FRRS1: variants seen among roughly 807,000 people sequenced by gnomAD.
The protein encoded by FRRS1 is ferric reductase 1.
A neutral mutation model predicts 70.7 loss-of-function variants in FRRS1; 51 were observed. The observed-to-expected ratio is 0.72, with a 90% CI of 0.58 to 0.91. The LOEUF (loss-of-function observed/expected upper bound fraction) is 0.91, where lower values mean the gene tolerates loss of function less well. FRRS1 is among the 40% of genes least tolerant of loss of function. The pLI is 0.00. For synonymous variants in FRRS1, 225 were observed against 238.7 expected (o/e 0.94, Z 0.53); for missense variants, 672 against 726.0 (o/e 0.93, Z 0.86).
At chr1:99,765,481 A>G (rs1483898048) in intron 1 of FRRS1, 1 of 152,234 alleles carries the variant, frequency 6.6e-6, no homozygotes, top group Non-Finnish European at 1.5e-5. Flanking sequence ...CCTGCCTGTA[A>G]TCCCAGCTAC....
intron 7 of FRRS1, among the ~76,000 whole-genome samples, chr1:99,734,041 A>G (rs1429911683): frequency 1.3e-5 from 2 of 152,186 alleles, no homozygotes; most frequent in African/African-American, 4.8e-5. Context: ...GTCTTAACAT[A>G]AATCTATTAT....
chr1:99,736,084 A>T (rs1301786510), intron 7 of FRRS1, among the ~76,000 whole-genome samples: 1 of 152,190 alleles, frequency 6.6e-6, no homozygotes, highest in Non-Finnish European at 1.5e-5. Context: ...GTTTTATCAC[A>T]TTCACATGAC....
chr1:99,727,635 T>C (rs1655136174), intron 9 of FRRS1, among the ~76,000 whole-genome samples: 1 of 152,226 alleles, frequency 6.6e-6, no homozygotes, highest in African/African-American at 2.4e-5. Flanking sequence ...CTGCTCTTCC[T>C]TTCTTTTACC....
At chr1:99,754,628 C>A (rs529737398) in intron 1 of FRRS1, among the ~76,000 whole-genome samples, 2 of 152,246 alleles carry the variant, frequency 1.3e-5, no homozygotes, top group African/African-American at 4.8e-5. Flanking sequence ...TTTCATCCAA[C>A]AACAGAATAC....
At chr1:99,724,146 C>A (rs1418575607) in intron 9 of FRRS1, among the ~76,000 whole-genome samples, 2 of 152,152 alleles carry the variant, frequency 1.3e-5, no homozygotes, top group Non-Finnish European at 2.9e-5. Flanking sequence ...ATGAACTTAA[C>A]CTTCATGAAA....
At chr1:99,713,069 AT>A (rs1214030316) in intron 12 of FRRS1, among the ~76,000 whole-genome samples, 1 of 132,532 alleles carries the variant, frequency 7.5e-6, no homozygotes, top group Non-Finnish European at 1.5e-5. Context: ...CTAATAAAAA[AT>A]AAAACAGCAG....
intron 11 of FRRS1, among the ~76,000 whole-genome samples, chr1:99,716,480 G>A (rs987543225): frequency 6.6e-6 from 1 of 152,234 alleles, no homozygotes; most frequent in African/African-American, 2.4e-5. Context: ...GCACGCAAGT[G>A]CAAGCAAGAA....
intron 9 of FRRS1, among the ~76,000 whole-genome samples, chr1:99,726,049 T>C (rs1655066247): frequency 6.6e-6 from 1 of 152,180 alleles, no homozygotes; most frequent in Non-Finnish European, 1.5e-5. Flanking sequence ...AATTGTAATC[T>C]CCATGTGTTG....
At chr1:99,730,147 T>A (rs1655280686) in intron 7 of FRRS1, among the ~76,000 whole-genome samples, 1 of 152,192 alleles carries the variant, frequency 6.6e-6, no homozygotes, top group East Asian at 1.9e-4. Flanking sequence ...TAACTTACCA[T>A]AAACAATACT....
intron 7 of FRRS1, among the ~76,000 whole-genome samples, chr1:99,736,806 AAG>A (rs1394610704): frequency 9.6e-6 from 1 of 104,226 alleles, no homozygotes; most frequent in Non-Finnish European, 1.7e-5. Flanking sequence ...AAAAATAAAA[AAG>A]AATAAAAAAA....
chr1:99,717,359 G>T, intron 11 of FRRS1, 51 bp downstream of exon 11: 1 of 1,127,642 alleles, frequency 8.9e-7, no homozygotes, highest in Non-Finnish European at 1.4e-6. Flanking sequence ...TTTTCATGTT[G>T]CAATGTTCAA....
chr1:99,731,586 A>G (rs975773746), intron 7 of FRRS1, among the ~76,000 whole-genome samples: 1 of 152,224 alleles, frequency 6.6e-6, no homozygotes, highest in African/African-American at 2.4e-5. Flanking sequence ...ATAGTTTAAG[A>G]ATGACTTCTA....
chr1:99,741,379 C>G (rs1400567246), intron 5 of FRRS1, among the ~76,000 whole-genome samples: 3 of 152,222 alleles, frequency 2.0e-5, no homozygotes, highest in Non-Finnish European at 4.4e-5. Flanking sequence ...GGTCACACCC[C>G]CTTTTTCACA....
At position 99,704,823 on chromosome 1, in the gene FRRS1, C is replaced by T. The variant is rs546164753; in HGVS notation, c.*4205G>A. 6.6e-6 allele frequency among the ~76,000 whole-genome samples: 1 copy of T among 152,106 alleles called. No individual in the cohort carries two copies. Among genetic ancestry groups the T allele is most frequent in the Non-Finnish European group, 1.5e-5 (1 of 68,014 alleles). On this transcript the variant is annotated 3_prime_UTR_variant, in exon 17 of 17. Coordinates refer to ENST00000646001, the MANE Select transcript of FRRS1 (RefSeq NM_001361041.2). Reference sequence around the variant, plus strand: ...AGGAGGAACAGTTGGCGGAGTTTGGCCGGGGCAATCAGAGGAGAGCCCAGG... The same window carrying T: ...AGGAGGAACAGTTGGCGGAGTTTGGTCGGGGCAATCAGAGGAGAGCCCAGG...
intron 4 of FRRS1, among the ~76,000 whole-genome samples, chr1:99,742,654 G>A (rs943741645): frequency 6.6e-6 from 1 of 152,112 alleles, no homozygotes; most frequent in African/African-American, 2.4e-5. Context: ...CTTCAAATAC[G>A]TAGCATGATA....
chr1:99,711,247 A>AAG (rs1256022942), intron 14 of FRRS1: 1 of 311,788 alleles, frequency 3.2e-6, no homozygotes, highest in Non-Finnish European at 6.0e-6. Context: ...ATAGTACCCA[A>AAG]AGGGTAGTGT....
Position 99,709,119 on chromosome 1 carries a change from C to T in FRRS1, c.1688G>A (p.Gly563Asp), listed in dbSNP as rs779383562. 87 of 1,610,882 alleles carry T rather than the reference C, an allele frequency of 5.4e-5. No individual in the cohort carries two copies. Among genetic ancestry groups the T allele is most frequent in the Non-Finnish European group, 7.0e-5 (82 of 1,178,652 alleles). The change falls in exon 17 of 17, where the codon GGT (glycine) becomes GAT (aspartate). Residue 563 changes from glycine (G) to aspartate (D), a missense_variant and splice_region_variant. Physicochemically the swap from Gly to Asp is moderately conservative, Grantham distance 94. Coordinates refer to ENST00000646001, the MANE Select transcript of FRRS1 (RefSeq NM_001361041.2). ...CAACACTGCCTTTTTAAAAGCATGA[C>T]CCTGAAAGAAAAATTGAGATATGAA... The part of the protein sequence containing the change: ...LQSFTAVETE[G>D]HAFKKAVLAI...
chr1:99,716,384 TTTGAG>T (rs1654531236), intron 11 of FRRS1, among the ~76,000 whole-genome samples: 2 of 152,048 alleles, frequency 1.3e-5, no homozygotes, highest in South Asian at 4.2e-4. Context: ...CAGTGGAGGA[TTTGAG>T]TTGATAAAGA....
rs188650804 is a variant in FRRS1 at position 99,715,613 on chromosome 1, C to G, written c.1296G>C (p.Pro432=). ...TVLTCIAFVM[P]FIYRGGWSRH... is the part of the protein sequence containing the mutation. ...TACTCCAGCCTCCCCTGTATATAAACGGCATAACAAAAGCAATGCAGGTGA... is the reference window on the plus strand; with the variant it reads ...TACTCCAGCCTCCCCTGTATATAAAGGGCATAACAAAAGCAATGCAGGTGA... The change falls in exon 12 of 17, where the codon CCG becomes CCC. Residue 432 remains proline (P), a synonymous_variant. Coordinates refer to ENST00000646001, the MANE Select transcript of FRRS1 (RefSeq NM_001361041.2). 1 of 1,612,504 alleles carries G rather than the reference C, an allele frequency of 6.2e-7. No homozygotes were observed. The highest frequency in any genetic ancestry group is 1.1e-5 in the South Asian group (1 of 91,042).
Sources: allele counts gnomAD v4.1 joint callset (sites outside exome capture counted in the v4.1 genomes callset), GRCh38; gene constraint gnomAD v4.1.1; transcripts MANE v1.5; gene names NCBI Gene and HGNC (gene_info 2026-07-23, HGNC 2026-07-21).